MSRB1: variants seen among roughly 807,000 people sequenced by gnomAD.
MSRB1 encodes the protein methionine-R-sulfoxide reductase B1.
A neutral mutation model predicts 15.2 loss-of-function variants in MSRB1; 13 were observed. The ratio of observed to expected loss-of-function variants is 0.86; its 90% CI spans 0.56 to 1.36. The LOEUF (loss-of-function observed/expected upper bound fraction) is 1.36, where lower values mean the gene tolerates loss of function less well. Ranked by LOEUF, MSRB1 falls within the 40% of genes most tolerant of loss-of-function variation. MSRB1 has a pLI of 0.00. For missense variants in MSRB1, 174 were observed against 155.9 expected, an observed-to-expected ratio of 1.12 and a Z score of -0.62; for synonymous variants, 68 against 64.5, an observed-to-expected ratio of 1.05 and a Z score of -0.26.
intron 3 of MSRB1, 55 bp from the exon 4 acceptor site, chr16:1,939,198 C>T (rs975554766): frequency 3.2e-6 from 5 of 1,567,934 alleles, no homozygotes; most frequent in African/African-American, 1.4e-5. Context: ...CAAGCAGGGG[C>T]GGAAAGCCGG....
Position 1,939,110 on chromosome 16 carries a change from G to A in MSRB1, c.*2C>T, listed in dbSNP as rs377290620. On this transcript the variant is annotated 3_prime_UTR_variant, in exon 4 of 4. Transcript: ENST00000361871. ...CGTCTGGGGTGGGTGTGGGCTGCCC[G>A]CCTAGTGACCCTGGGAGGCAGAAGT... 48 of 1,611,672 alleles carry A rather than the reference G, an allele frequency of 3.0e-5. No homozygotes were observed. The highest frequency in any genetic ancestry group is 1.8e-4 in the East Asian group (8 of 44,694).
In MSRB1 at chr16:1,938,796, A is replaced by G; in HGVS notation, c.*316T>C. ...GCCAGGAAAAGAAGGTGAGGGTGTA[A>G]CGTCATTCAGAGACCAGCTGCACCC... On this transcript the variant is annotated 3_prime_UTR_variant, in exon 4 of 4. Coordinates refer to ENST00000361871, the MANE Select transcript of MSRB1 (RefSeq NM_016332.4). 2.2e-6 allele frequency: 1 copy of G among 458,440 alleles called. No individual in the cohort carries two copies. 28.4% of individuals were successfully genotyped at this position (458,440 alleles called of 1,614,324 possible). A position where few individuals can be genotyped will look rare whatever the true frequency, so the allele number is the denominator to read the frequency against.
At chr16:1,939,289 T>A in intron 3 of MSRB1, 146 bp from the exon 4 acceptor site, 2 of 922,816 alleles carry the variant, frequency 2.2e-6, no homozygotes, top group Non-Finnish European at 3.2e-6. Flanking sequence ...TTCCCTGCGC[T>A]TTCACACTCT....
Position 1,943,082 on chromosome 16 carries a change from C to G in MSRB1, c.55+20G>C, listed in dbSNP as rs372435733. 1 of 1,552,946 alleles carries G rather than the reference C, an allele frequency of 6.4e-7. No individual in the cohort carries two copies. Among genetic ancestry groups the G allele is most frequent in the East Asian group, 2.4e-5 (1 of 41,130 alleles). ...GCCCCCCGCCGCGCTGCCCTCCCAG[C>G]GAGAGGCCGCAGGACCAACCAGGTT... On this transcript the variant is annotated intron_variant, in intron 1 of 3. Transcript: ENST00000361871.
Position 1,938,413 on chromosome 16 carries a change from C to T in MSRB1, c.*699G>A, listed in dbSNP as rs1407359033. 1 of 153,054 alleles carries T rather than the reference C, an allele frequency of 6.5e-6. No homozygotes were observed. The highest frequency in any genetic ancestry group is 1.5e-5 in the Non-Finnish European group (1 of 68,518). 9.5% of individuals were successfully genotyped at this position (153,054 alleles called of 1,614,324 possible). On this transcript the variant is annotated 3_prime_UTR_variant, in exon 4 of 4. Transcript: ENST00000361871. ...CCCTGCAGGTGTGCACTGCAGGCCTCAGCCCTGTGCTGGTTAGAGTTATGG... is the reference window on the plus strand; with the variant it reads ...CCCTGCAGGTGTGCACTGCAGGCCTTAGCCCTGTGCTGGTTAGAGTTATGG...
chr16:1,938,911 G>A lies in MSRB1; in HGVS notation c.*201C>T. 2 of 733,722 alleles carry A rather than the reference G, an allele frequency of 2.7e-6. No homozygotes were observed. Among genetic ancestry groups the A allele is most frequent in the Non-Finnish European group, 4.6e-6 (2 of 437,516 alleles). 45.5% of individuals were successfully genotyped at this position (733,722 alleles called of 1,614,324 possible). On this transcript the variant is annotated 3_prime_UTR_variant, in exon 4 of 4. Transcript: ENST00000361871. The stretch of plus-strand genomic sequence containing the variant: ...ACAGCCCAGGCCTGTCCCAGCAGAA[G>A]GCATGAACCATCAGCAAATGAGTCT...
chr16:1,940,822 G>T lies in MSRB1; in HGVS notation c.275C>A (p.Ser92Tyr). ...FLNDGPKPGQ[S>Y]RFUIFSSSLK... ...CGAGCTGCTGAATATTCAGAATCGGGACTGCCCCGGCTTGGGGCCGTCGTT... is the reference window on the plus strand; with the variant it reads ...CGAGCTGCTGAATATTCAGAATCGGTACTGCCCCGGCTTGGGGCCGTCGTT... The change falls in exon 3 of 4, where the codon TCC becomes TAC. Residue 92 changes from serine to tyrosine, a missense_variant. Coordinates refer to ENST00000361871, the MANE Select transcript of MSRB1 (RefSeq NM_016332.4). 1 of 1,614,112 alleles carries T rather than the reference G, an allele frequency of 6.2e-7. No homozygotes were observed. Among genetic ancestry groups the T allele is most frequent in the Non-Finnish European group, 8.5e-7 (1 of 1,180,034 alleles).
intron 1 of MSRB1, among the ~76,000 whole-genome samples, chr16:1,942,685 G>T (rs2083085993): frequency 6.6e-6 from 1 of 152,262 alleles, no homozygotes; most frequent in South Asian, 2.1e-4. Flanking sequence ...ACCCGCGAAG[G>T]GGCGCCCCGG....
chr16:1,939,511 CG>C (rs149046270), intron 3 of MSRB1, among the ~76,000 whole-genome samples: 20,175 of 152,176 alleles, frequency 0.13, 2,188 homozygotes, highest in African/African-American at 0.3. Context: ...CCCCACAGCA[CG>C]GTGATGGCCA....
Position 1,938,754 on chromosome 16 carries a change from G to A in MSRB1, c.*358C>T, listed in dbSNP as rs2083055625. 1 of 334,066 alleles carries A rather than the reference G, an allele frequency of 3.0e-6. No individual in the cohort carries two copies. Among genetic ancestry groups the A allele is most frequent in the Non-Finnish European group, 5.6e-6 (1 of 179,224 alleles). The allele number at this position is 334,066 out of a possible 1,614,324, so 20.7% of individuals were successfully genotyped here. A position where few individuals can be genotyped will look rare whatever the true frequency, so the allele number is the denominator to read the frequency against. On this transcript the variant is annotated 3_prime_UTR_variant, in exon 4 of 4. Coordinates refer to ENST00000361871, the MANE Select transcript of MSRB1 (RefSeq NM_016332.4). ...TGTCTTGGAATTGGGCCTCACAGGG[G>A]AGAGTCCAGAGACAGGGCCAGGAAA...
At chr16:1,940,992 C>G (rs1437786370) in intron 2 of MSRB1, 100 bp from the exon 3 acceptor site, 13 of 1,577,174 alleles carry the variant, frequency 8.2e-6, no homozygotes, top group Non-Finnish European at 1.1e-5. Context: ...TCCCACACGC[C>G]TATTTCCCAA....
chr16:1,943,138 A>G lies in MSRB1; in HGVS notation c.19T>C (p.Phe7Leu). 6.4e-7 allele frequency: 1 copy of G among 1,562,020 alleles called. No individual in the cohort carries two copies. Among genetic ancestry groups the G allele is most frequent in the Non-Finnish European group, 8.7e-7 (1 of 1,153,140 alleles). ...TGATTCTGGAAAACCTCGCCCCCGA[A>G]GAAGCTGCAGAACGACATGGCGCCA... is the stretch of plus-strand genomic sequence containing the variant. Reference protein sequence around the residue: MSFCSFFGGEVFQNHFE... With the variant: MSFCSFLGGEVFQNHFE... Residue 7 changes from phenylalanine (F) to leucine (L), a missense_variant, in exon 1 of 4, where the codon TTC (phenylalanine) becomes CTC (leucine). Coordinates refer to ENST00000361871, the MANE Select transcript of MSRB1 (RefSeq NM_016332.4).
chr16:1,940,637 G>T, intron 3 of MSRB1, 141 bp downstream of exon 3: 1 of 1,079,104 alleles, frequency 9.3e-7, no homozygotes, highest in Middle Eastern at 3.1e-4. Context: ...ACCTTTCTGG[G>T]GGATCCTGGA....
chr16:1,941,327 G>A lies in MSRB1; in HGVS notation c.134C>T (p.Ala45Val), dbSNP rs201758477. 2.4e-5 allele frequency: 39 copies of A among 1,613,830 alleles called. No individual in the cohort carries two copies. In the African/African-American group the frequency reaches 4.0e-4, roughly 17 times the overall value. The change falls in exon 2 of 4, where the codon GCG (alanine) becomes GTG (valine). Residue 45 changes from alanine to valine, a missense_variant. Ala to Val is a moderately conservative substitution (Grantham distance 64). Transcript: ENST00000361871. ...GTCGGCGTGAATGGTCTCGGTGAAC[G>A]CCGGCCATGGAGACGAGTGTGCATA... ...SKYAHSSPWP[A>V]FTETIHADSV...
In MSRB1 at chr16:1,941,357, G is replaced by A. The variant is rs1289568700; in HGVS notation, c.104C>T (p.Ser35Leu). 16 of 1,613,784 alleles carry A rather than the reference G, an allele frequency of 9.9e-6. No individual in the cohort carries two copies. The highest frequency in any genetic ancestry group is 2.2e-5 in the East Asian group (1 of 44,858). Residue 35 changes from serine to leucine, a missense_variant, in exon 2 of 4, where the codon TCG becomes TTG. Physicochemically the swap from Ser to Leu is moderately radical, Grantham distance 145. Transcript: ENST00000361871. ...KCGYELFSSR[S>L]KYAHSSPWPA... The stretch of plus-strand genomic sequence containing the variant: ...CCATGGAGACGAGTGTGCATACTTC[G>A]AGCGGCTGGAGAACAGCTCATAGCC...
rs971069567 is a variant in MSRB1 at position 1,940,859 on chromosome 16, G to C, written c.238C>G (p.His80Asp). 5 of 1,614,144 alleles carry C rather than the reference G, an allele frequency of 3.1e-6. No individual in the cohort carries two copies. The highest frequency in any genetic ancestry group is 4.2e-6 in the Non-Finnish European group (5 of 1,180,050). The change falls in exon 3 of 4, where the codon CAC becomes GAC. Residue 80 changes from histidine to aspartate, a missense_variant. Coordinates refer to ENST00000361871, the MANE Select transcript of MSRB1 (RefSeq NM_016332.4). ...TTGGGGCCGTCGTTCAGGAACTCGT[G>C]GCCCAACCCATTGCCACACTTGCCA... ...SCGKCGNGLGHEFLNDGPKPG... is the reference protein window; with the variant it reads ...SCGKCGNGLGDEFLNDGPKPG...
Position 1,943,075 on chromosome 16 carries a change from C to T in MSRB1, c.55+27G>A, listed in dbSNP as rs755663456. 7.1e-6 allele frequency: 11 copies of T among 1,551,598 alleles called. No homozygotes were observed. In the South Asian group the frequency reaches 1.3e-4, roughly 18 times the overall value. ...AATGCGCGCCCCCCGCCGCGCTGCC[C>T]TCCCAGCGAGAGGCCGCAGGACCAA... On this transcript the variant is annotated intron_variant, in intron 1 of 3. Coordinates refer to ENST00000361871, the MANE Select transcript of MSRB1 (RefSeq NM_016332.4).
Position 1,939,157 on chromosome 16 carries a change from GA to G in MSRB1, c.320-15del, listed in dbSNP as rs1459861958. 1.6e-5 allele frequency: 25 copies of G among 1,601,692 alleles called. No individual in the cohort carries two copies. Among genetic ancestry groups the G allele is most frequent in the Non-Finnish European group, 1.6e-5 (19 of 1,176,314 alleles). Reference sequence around the variant, plus strand: ...AAGTTTCTTTGCCTGAAAGAGAGGAGAGGGGGCGGAAAGTATGCGGGGACAG... The same window carrying G: ...AAGTTTCTTTGCCTGAAAGAGAGGAGGGGGGCGGAAAGTATGCGGGGACAG... On this transcript the variant is annotated splice_polypyrimidine_tract_variant and intron_variant, in intron 3 of 3. Transcript: ENST00000361871.
Position 1,940,892 on chromosome 16 carries a change from C to T in MSRB1, c.205G>A (p.Val69Met), listed in dbSNP as rs755154134. The T allele has an allele frequency of 1.4e-4, 220 of 1,614,008 alleles. No homozygotes were observed. The highest frequency in any genetic ancestry group is 1.8e-4 in the Non-Finnish European group (213 of 1,180,034). ...PEHNRSEALKVSCGKCGNGLG... is the reference protein window; with the variant it reads ...PEHNRSEALKMSCGKCGNGLG... Reference sequence around the variant, plus strand: ...CCATTGCCACACTTGCCACAGGACACCTGGAAAGATCACAAGGCAGCTGGG... The same window carrying T: ...CCATTGCCACACTTGCCACAGGACATCTGGAAAGATCACAAGGCAGCTGGG... Residue 69 changes from valine to methionine, a missense_variant and splice_region_variant, in exon 3 of 4, where the codon GTG (valine) becomes ATG (methionine). By Grantham distance (21) the Val-to-Met change is conservative. Transcript: ENST00000361871.
Sources: gnomAD v4.1 joint callset for allele counts (sites outside exome capture counted in the v4.1 genomes callset) on GRCh38, gnomAD v4.1.1 for gene constraint, MANE v1.5 for transcripts, NCBI Gene and HGNC (gene_info 2026-07-23, HGNC 2026-07-21) for gene names.